ACCS: variants seen among roughly 807,000 people sequenced by gnomAD.
ACCS encodes the protein 1-aminocyclopropane-1-carboxylate synthase homolog (inactive), also known as 1-aminocyclopropane-1-carboxylate synthase-like protein 1.
ACCS carries 42 observed loss-of-function variants against 59.8 expected under a neutral mutation model. The observed-to-expected ratio is 0.70, with a 90% CI of 0.55 to 0.91. The LOEUF (loss-of-function observed/expected upper bound fraction) is 0.91, where lower values mean the gene tolerates loss of function less well. Ranked by LOEUF, ACCS falls within the 40% of genes least tolerant of loss-of-function variation. The pLI, the probability that ACCS is intolerant of heterozygous loss-of-function variation, is 0.00. For missense variants in ACCS, 602 were observed against 630.4 expected (o/e 0.95, Z 0.48); for synonymous variants, 230 against 240.3 (o/e 0.96, Z 0.40).
At position 44,084,012 on chromosome 11, in the gene ACCS, G is replaced by A. The variant is rs1418810630; in HGVS notation, c.*220G>A. 4.2e-6 allele frequency: 4 copies of A among 956,542 alleles called. No individual in the cohort carries two copies. In the African/African-American group the frequency reaches 5.0e-5, roughly 12 times the overall value. 59.3% of individuals were successfully genotyped at this position (956,542 alleles called of 1,614,324 possible). A position where few individuals can be genotyped will look rare whatever the true frequency, so the allele number is the denominator to read the frequency against. On this transcript the variant is annotated 3_prime_UTR_variant, in exon 15 of 15. Coordinates refer to ENST00000263776, the MANE Select transcript of ACCS (RefSeq NM_032592.4). Reference sequence around the variant, plus strand: ...CCCTCTCTCCTATTAAACAAAACTAGGAGAGTCCATATGTCTCCATTGTGA... The same window carrying A: ...CCCTCTCTCCTATTAAACAAAACTAAGAGAGTCCATATGTCTCCATTGTGA...
chr11:44,077,211 A>G, intron 6 of ACCS, 68 bp from the exon 7 acceptor site: 1 of 1,528,532 alleles, frequency 6.5e-7, no homozygotes. Context: ...GGGACTGGGG[A>G]CAGTGGACAG....
chr11:44,075,555 C>T lies in ACCS; in HGVS notation c.519C>T (p.Leu173=). Residue 173 remains leucine, a synonymous_variant, in exon 6 of 15, where the codon CTC becomes CTT. Coordinates refer to ENST00000263776, the MANE Select transcript of ACCS (RefSeq NM_032592.4). ...NVVVLNGGAS[L]FSALATVLCE... The stretch of plus-strand genomic sequence containing the variant: ...TTGTCCTGAATGGTGGTGCCTCGCT[C>T]TTCTCTGCTCTGGCCACGGTGCTGT... 6.2e-7 allele frequency: 1 copy of T among 1,614,216 alleles called. No homozygotes were observed.
At position 44,075,603 on chromosome 11, in the gene ACCS, TCTGTGGC is replaced by T. The variant is rs1388491849; in HGVS notation, c.556+15_556+21del. ...TGTGTGAGGCCGGGGGTAAGTGAGC[TCTGTGGC>T]CTGCCCCGCACTGTGAGCCTCATTG... On this transcript the variant is annotated intron_variant, in intron 6 of 14. Transcript: ENST00000263776. The T allele has an allele frequency of 6.2e-7, 1 of 1,613,712 alleles. No individual in the cohort carries two copies. Among genetic ancestry groups the T allele is most frequent in the East Asian group, 2.2e-5 (1 of 44,882 alleles).
Position 44,078,700 on chromosome 11 carries a change from G to A in ACCS, c.749G>A (p.Gly250Asp), listed in dbSNP as rs567808580. ...TGGTTTCAGGGTGTGAAGGTCAAAG[G>A]CCTCATCCTCATCAGCCCCCAGAAC... ...EAHSEGVKVK[G>D]LILISPQNPL... Residue 250 changes from glycine to aspartate, a missense_variant, in exon 9 of 15, where the codon GGC (glycine) becomes GAC (aspartate). By Grantham distance (94) the Gly-to-Asp change is moderately conservative. Transcript: ENST00000263776. 171 of 1,614,002 alleles carry A rather than the reference G, an allele frequency of 1.1e-4. 2 individuals carry two copies. In the South Asian group the frequency reaches 1.2e-3, roughly 11 times the overall value.
chr11:44,068,510 TG>T (rs562648589), intron 2 of ACCS, among the ~76,000 whole-genome samples: 25 of 152,058 alleles, frequency 1.6e-4, no homozygotes, highest in African/African-American at 6.0e-4. Context: ...GAGGCTGAGG[TG>T]GAAGGATTGC....
At chr11:44,075,774 T>C in intron 6 of ACCS, 182 bp downstream of exon 6, 1 of 646,526 alleles carries the variant, frequency 1.5e-6, no homozygotes, top group Non-Finnish European at 2.6e-6. Context: ...CAGGGGAGGT[T>C]AGTTTGATGT....
chr11:44,078,742 A>AC lies in ACCS; in HGVS notation c.792dup (p.Ser265LeufsTer3). 6.2e-7 allele frequency: 1 copy of AC among 1,613,974 alleles called. No individual in the cohort carries two copies. Among genetic ancestry groups the AC allele is most frequent in the East Asian group, 2.2e-5 (1 of 44,860 alleles). On this transcript the variant is annotated frameshift_variant, in exon 9 of 15. Transcript: ENST00000263776. LOFTEE classifies it high-confidence loss of function. ...CCCCAGAACCCTCTGGGTGATGTATACTCCCCTGAAGAGCTACAGGAGTAC... is the reference window on the plus strand; with the variant it reads ...CCCCAGAACCCTCTGGGTGATGTATACCTCCCCTGAAGAGCTACAGGAGTAC...
chr11:44,073,353 T>G (rs1590472105), intron 3 of ACCS, 94 bp from the exon 4 acceptor site: 1 of 1,010,242 alleles, frequency 9.9e-7, no homozygotes. Context: ...GTTTCTCTGA[T>G]GAGCAGAACA....
Position 44,084,035 on chromosome 11 carries a change from T to A in ACCS, c.*243T>A. 1 of 729,798 alleles carries A rather than the reference T, an allele frequency of 1.4e-6. No homozygotes were observed. Among genetic ancestry groups the A allele is most frequent in the Non-Finnish European group, 2.1e-6 (1 of 487,700 alleles). The allele number at this position is 729,798 out of a possible 1,614,324, so 45.2% of individuals were successfully genotyped here. On this transcript the variant is annotated 3_prime_UTR_variant, in exon 15 of 15. Transcript: ENST00000263776. ...TAGGAGAGTCCATATGTCTCCATTGTGAGTTATTTAGAATGGAGGAGTCGT... is the reference window on the plus strand; with the variant it reads ...TAGGAGAGTCCATATGTCTCCATTGAGAGTTATTTAGAATGGAGGAGTCGT...
At chr11:44,083,081 T>C in intron 12 of ACCS, 88 bp from the exon 13 acceptor site, 1 of 1,540,182 alleles carries the variant, frequency 6.5e-7, no homozygotes, top group Non-Finnish European at 8.9e-7. Context: ...TGGCAGCTTG[T>C]GGCCTTTTTC....
At chr11:44,074,177 T>TACAATG (rs1228837803) in intron 4 of ACCS, among the ~76,000 whole-genome samples, 4 of 152,124 alleles carry the variant, frequency 2.6e-5, no homozygotes, top group Admixed American at 2.6e-4. Flanking sequence ...TCTTTGCCTG[T>TACAATG]ACAATGGGAA....
rs1310541698 is a variant in ACCS at position 44,081,289 on chromosome 11, G to A, written c.1080G>A (p.Gln360=). The A allele has an allele frequency of 6.2e-7, 1 of 1,614,134 alleles. No individual in the cohort carries two copies. The highest frequency in any genetic ancestry group is 1.1e-5 in the South Asian group (1 of 91,094). ...CRYHGLSGLV[Q]YQMAQLLRDR... The stretch of plus-strand genomic sequence containing the variant: ...ACCACGGCCTCAGTGGCTTGGTCCA[G>A]TACCAGATGGCACAGCTGCTCCGGG... The change falls in exon 12 of 15, where the codon CAG becomes CAA. Residue 360 remains glutamine (Q), a synonymous_variant. Transcript: ENST00000263776.
chr11:44,076,494 T>C (rs1273165499), intron 6 of ACCS, among the ~76,000 whole-genome samples: 1 of 152,204 alleles, frequency 6.6e-6, no homozygotes, highest in Non-Finnish European at 1.5e-5. Context: ...ATTTGAACCA[T>C]GAAAGAGAGA....
chr11:44,075,243 G>A (rs1041581416), intron 5 of ACCS, among the ~76,000 whole-genome samples: 3 of 152,192 alleles, frequency 2.0e-5, no homozygotes, highest in Non-Finnish European at 2.9e-5. Flanking sequence ...GATGTTTAAA[G>A]TTTGGGTATA....
intron 2 of ACCS, among the ~76,000 whole-genome samples, chr11:44,069,113 G>C (rs1337956184): frequency 6.6e-6 from 1 of 152,190 alleles, no homozygotes; most frequent in Non-Finnish European, 1.5e-5. Context: ...GTTATCTATT[G>C]TTGCATAACA....
intron 10 of ACCS, 96 bp downstream of exon 10, chr11:44,079,716 G>A (rs1003833889): frequency 1.0e-5 from 11 of 1,095,690 alleles, no homozygotes; most frequent in Non-Finnish European, 1.5e-5. Flanking sequence ...GGCCTGCCCA[G>A]AGCAATTCCA....
chr11:44,067,270 A>T (rs979003533), intron 1 of ACCS: 5 of 204,808 alleles, frequency 2.4e-5, no homozygotes, highest in Admixed American at 1.0e-4. Context: ...AACTCAGGAA[A>T]TTTTAACCTG....
rs762023725 is a variant in ACCS at position 44,081,327 on chromosome 11, G to A, written c.1111+7G>A. On this transcript the variant is annotated splice_region_variant and intron_variant, in intron 12 of 14. Coordinates refer to ENST00000263776, the MANE Select transcript of ACCS (RefSeq NM_032592.4). ...CAGCTGCTCCGGGACCGTGGTGACT[G>A]CCTGGGCCTGGTGACCTGAAAATGG... The A allele has an allele frequency of 6.2e-7, 1 of 1,612,420 alleles. No individual in the cohort carries two copies.
At chr11:44,075,472 C>T (rs1410977661) in intron 5 of ACCS, 54 bp from the exon 6 acceptor site, 31 of 1,589,630 alleles carry the variant, frequency 2.0e-5, no homozygotes, top group Non-Finnish European at 2.3e-5. Flanking sequence ...GCTGCGGGTC[C>T]GTGCACACTC....
Sources: allele counts gnomAD v4.1 joint callset (sites outside exome capture counted in the v4.1 genomes callset), GRCh38; gene constraint gnomAD v4.1.1; transcripts MANE v1.5; gene names NCBI Gene and HGNC (gene_info 2026-07-23, HGNC 2026-07-21).